The following SESN3 variants were observed in gnomAD, a reference collection of about 807,000 sequenced individuals.
SESN3 encodes sestrin-3.
Under a neutral mutation model 55.3 loss-of-function variants are expected in SESN3, and 21 were observed. The ratio of observed to expected loss-of-function variants is 0.38; its 90% CI spans 0.27 to 0.55. SESN3 has a LOEUF of 0.55. Ranked by LOEUF, SESN3 falls within the 20% of genes least tolerant of loss-of-function variation. The probability of loss-of-function intolerance (pLI) is 0.76; values close to 1 mark genes in which losing one functional copy is unlikely to be tolerated. For missense variants in SESN3, 408 were observed against 604.3 expected (o/e 0.68, Z 3.41); for synonymous variants, 181 against 203.1 (o/e 0.89, Z 0.93).
At chr11:95,204,730 G>A (rs1317131337) in intron 1 of SESN3, 2 of 152,198 alleles carry the variant, frequency 1.3e-5, no homozygotes, top group Admixed American at 6.6e-5. Flanking sequence ...CCCTGATCTA[G>A]GACTTCTCAG....
chr11:95,213,581 T>G (rs752759178), intron 1 of SESN3, among the ~76,000 whole-genome samples: 1 of 152,130 alleles, frequency 6.6e-6, no homozygotes, highest in Non-Finnish European at 1.5e-5. Context: ...TGGAGTCTTT[T>G]AAATAGGATA....
chr11:95,202,016 A>G (rs1860468618), intron 1 of SESN3, among the ~76,000 whole-genome samples: 1 of 152,018 alleles, frequency 6.6e-6, no homozygotes, highest in African/African-American at 2.4e-5. Flanking sequence ...TGTCTCAAAT[A>G]CCAACTCCTT....
At chr11:95,187,977 T>C (rs917538237) in intron 4 of SESN3, among the ~76,000 whole-genome samples, 7 of 150,894 alleles carry the variant, frequency 4.6e-5, no homozygotes, top group African/African-American at 1.7e-4. Context: ...TGCAGAATCA[T>C]TACTAGAATC....
intron 1 of SESN3, chr11:95,201,267 AG>A (rs1337508815): frequency 6.6e-6 from 1 of 152,122 alleles, no homozygotes; most frequent in Admixed American, 6.6e-5. Context: ...GGCAGCCATG[AG>A]TACTGCTATT....
At chr11:95,183,464 C>T (rs902600103) in intron 6 of SESN3, among the ~76,000 whole-genome samples, 2 of 151,972 alleles carry the variant, frequency 1.3e-5, no homozygotes, top group Admixed American at 6.6e-5. Flanking sequence ...AAACAATTCT[C>T]AAAATTTATG....
chr11:95,212,178 T>A (rs141647664), intron 1 of SESN3, among the ~76,000 whole-genome samples: 2 of 152,302 alleles, frequency 1.3e-5, no homozygotes, highest in African/African-American at 4.8e-5. Context: ...AATATTTAAC[T>A]ACCCTTCTTT....
intron 1 of SESN3, among the ~76,000 whole-genome samples, chr11:95,202,977 T>C (rs1445157824): frequency 6.6e-6 from 1 of 152,044 alleles, no homozygotes; most frequent in Admixed American, 6.6e-5. Context: ...AAAGTAAAAT[T>C]CCCATTAGAG....
intron 1 of SESN3, among the ~76,000 whole-genome samples, chr11:95,211,650 G>A (rs1860657890): frequency 6.6e-6 from 1 of 152,074 alleles, no homozygotes; most frequent in Non-Finnish European, 1.5e-5. Flanking sequence ...CACGCCTGTA[G>A]TCCCAGCTAC....
At chr11:95,211,705 G>A (rs1860658901) in intron 1 of SESN3, among the ~76,000 whole-genome samples, 2 of 152,112 alleles carry the variant, frequency 1.3e-5, no homozygotes, top group African/African-American at 4.8e-5. Context: ...GGGAGGCGGA[G>A]GTTGCAGTGA....
At chr11:95,203,348 CT>C (rs1326487376) in intron 1 of SESN3, among the ~76,000 whole-genome samples, 1 of 151,910 alleles carries the variant, frequency 6.6e-6, no homozygotes, top group African/African-American at 2.4e-5. Flanking sequence ...ACCAGTACTT[CT>C]TTACGCACTG....
intron 6 of SESN3, 117 bp downstream of exon 6, chr11:95,184,303 A>G (rs71473227): frequency 1.2e-6 from 1 of 805,974 alleles, no homozygotes; most frequent in Admixed American, 2.4e-5. Flanking sequence ...GAAGAGGAGA[A>G]CTAAATAAGA....
chr11:95,187,207 C>T (rs1376639431), intron 4 of SESN3, among the ~76,000 whole-genome samples: 3 of 151,708 alleles, frequency 2.0e-5, no homozygotes, highest in Non-Finnish European at 2.9e-5. Context: ...TAGTTTTATT[C>T]TTATTTTAGA....
Position 95,230,009 on chromosome 11 carries a change from A to G in SESN3, c.78+774T>C, listed in dbSNP as rs530198512. 3.3e-5 allele frequency among the ~76,000 whole-genome samples: 5 copies of G among 152,274 alleles called. No individual in the cohort carries two copies. The East Asian group carries it at 9.7e-4, about 29-fold the overall frequency. On this transcript the variant is annotated intron_variant, in intron 1 of 9. Transcript: ENST00000536441. This position sits in a 1 kb window ranked among gnomAD's most constrained non-coding sequence, Gnocchi z 4.6. ...GGGGCGATTAAGCCAAGTAAGCTAAACAATACTGGAGTAAACTTTCTATCA... is the reference window on the plus strand; with the variant it reads ...GGGGCGATTAAGCCAAGTAAGCTAAGCAATACTGGAGTAAACTTTCTATCA...
chr11:95,173,829 C>T (rs1274885368), intron 9 of SESN3, among the ~76,000 whole-genome samples: 1 of 152,084 alleles, frequency 6.6e-6, no homozygotes, highest in South Asian at 2.1e-4. Flanking sequence ...GTTAGACATA[C>T]ATAGCTTCCC....
chr11:95,198,693 A>G (rs570433738), intron 1 of SESN3, among the ~76,000 whole-genome samples: 1 of 152,328 alleles, frequency 6.6e-6, no homozygotes, highest in African/African-American at 2.4e-5. Flanking sequence ...AAGCTGATTA[A>G]CATTAAATAA....
chr11:95,177,148 T>C (rs1483607143), intron 8 of SESN3, among the ~76,000 whole-genome samples: 1 of 152,164 alleles, frequency 6.6e-6, no homozygotes, highest in Non-Finnish European at 1.5e-5. Flanking sequence ...CAAAAAGTGC[T>C]TTCTTGATTA....
upstream of SESN3, chr11:95,232,108 G>A (rs1156311636): frequency 6.6e-6 from 1 of 152,266 alleles, no homozygotes; most frequent in Non-Finnish European, 1.5e-5. Context: ...GCTCAGAAAG[G>A]AAGGTTCAGA....
At position 95,231,164 on chromosome 11, in the gene SESN3, GCTGCCACCGCCACCA is replaced by G. The variant is rs1861057629; in HGVS notation, c.-319_-305del. 4.1e-6 allele frequency: 1 copy of G among 245,642 alleles called. No individual in the cohort carries two copies. The highest frequency in any genetic ancestry group is 8.7e-5 in the Admixed American group (1 of 11,460). 15.2% of individuals were successfully genotyped at this position (245,642 alleles called of 1,614,324 possible). ...CAGGCTAGGACGAGCAGCCGCCACCGCTGCCACCGCCACCACCGCCGCCGCAGCGCCTCAGTGCGG... is the reference window on the plus strand; with the variant it reads ...CAGGCTAGGACGAGCAGCCGCCACCGCCGCCGCCGCAGCGCCTCAGTGCGG... On this transcript the variant is annotated 5_prime_UTR_variant, in exon 1 of 10. Coordinates refer to ENST00000536441, the MANE Select transcript of SESN3 (RefSeq NM_144665.4).
chr11:95,200,918 C>G (rs1045529757), intron 1 of SESN3: 1 of 152,064 alleles, frequency 6.6e-6, no homozygotes, highest in Admixed American at 6.6e-5. Context: ...TACCTCCTCT[C>G]TCTCTACTGA....
Sources: allele counts gnomAD v4.1 joint callset (sites outside exome capture counted in the v4.1 genomes callset), GRCh38; gene constraint gnomAD v4.1.1; non-coding constraint Gnocchi (gnomAD v3.1); transcripts MANE v1.5; gene names NCBI Gene and HGNC (gene_info 2026-07-23, HGNC 2026-07-21).